The following TRAF3IP3 variants were observed in gnomAD, a reference collection of about 807,000 sequenced individuals.
The protein encoded by TRAF3IP3 is TRAF3 interacting protein 3, also known as TRAF3-interacting JNK-activating modulator.
TRAF3IP3 carries 64 observed loss-of-function variants against 86.5 expected under a neutral mutation model. The ratio of observed to expected loss-of-function variants is 0.74; its 90% CI spans 0.60 to 0.91. The LOEUF (loss-of-function observed/expected upper bound fraction) is 0.91, where lower values mean the gene tolerates loss of function less well. TRAF3IP3 is among the 40% of genes least tolerant of loss of function. TRAF3IP3 has a pLI of 0.00. For missense variants in TRAF3IP3, 579 were observed against 642.9 expected, an observed-to-expected ratio of 0.90 and a Z score of 1.07; for synonymous variants, 220 against 243.9, an observed-to-expected ratio of 0.90 and a Z score of 0.91.
chr1:209,780,211 A>G lies in TRAF3IP3; in HGVS notation c.1313-259A>G, dbSNP rs74500991. 5.8e-3 allele frequency: 1,545 copies of G among 267,414 alleles called. 33 individuals are homozygous for G. Among genetic ancestry groups the G allele is most frequent in the African/African-American group, 0.032 (1,443 of 45,538 alleles). The allele number at this position is 267,414 out of a possible 1,614,324, so 16.6% of individuals were successfully genotyped here. A position where few individuals can be genotyped will look rare whatever the true frequency, so the allele number is the denominator to read the frequency against. ...CAATTAAGAAGTATTCACTAAAACT[A>G]TCTAGCACTAGATAAGACTGGGGAT... On this transcript the variant is annotated intron_variant, in intron 14 of 16. Transcript: ENST00000367025.
chr1:209,772,108 G>A (rs2077556069), intron 8 of TRAF3IP3, among the ~76,000 whole-genome samples: 1 of 151,966 alleles, frequency 6.6e-6, no homozygotes, highest in African/African-American at 2.4e-5. Flanking sequence ...TGTGTGGCAG[G>A]GAGGGGAGTG....
At chr1:209,775,947 G>A in intron 11 of TRAF3IP3, 1 of 485,116 alleles carries the variant, frequency 2.1e-6, no homozygotes, top group Non-Finnish European at 3.6e-6. Context: ...TCATGCAAAT[G>A]AACTAAGCGT....
intron 8 of TRAF3IP3, chr1:209,768,799 G>A (rs1164526556): frequency 1.6e-6 from 1 of 642,424 alleles, no homozygotes; most frequent in East Asian, 1.4e-4. Flanking sequence ...TGTAACACTG[G>A]GCTTCAGTGT....
At chr1:209,778,921 T>A (rs12081405) in intron 13 of TRAF3IP3, 9,483 of 227,208 alleles carry the variant, frequency 0.042, 912 homozygotes, top group East Asian at 0.31. Context: ...GGTTGTTTCC[T>A]TCTGAGGGCG....
Position 209,765,645 on chromosome 1 carries a change from C to T in TRAF3IP3, c.702+2058C>T, listed in dbSNP as rs571878225. 2.0e-3 allele frequency among the ~76,000 whole-genome samples: 301 copies of T among 152,018 alleles called. 1 individual carries two copies. The highest frequency in any genetic ancestry group is 6.9e-3 in the African/African-American group (284 of 41,450). Reference sequence around the variant, plus strand: ...CTGCACCACTGCATTCCAGCCTGGGCGATGGGAGTGAAACTCTGTCTCAAA... The same window carrying T: ...CTGCACCACTGCATTCCAGCCTGGGTGATGGGAGTGAAACTCTGTCTCAAA... On this transcript the variant is annotated intron_variant, in intron 8 of 16. Transcript: ENST00000367025.
At chr1:209,774,397 A>G (rs2077610175) in intron 9 of TRAF3IP3, among the ~76,000 whole-genome samples, 1 of 152,222 alleles carries the variant, frequency 6.6e-6, no homozygotes, top group Admixed American at 6.5e-5. Flanking sequence ...AGAATAATAG[A>G]GGCATGCAGG....
intron 7 of TRAF3IP3, 47 bp from the exon 8 acceptor site, chr1:209,763,444 TC>T (rs1459057433): frequency 6.2e-7 from 1 of 1,613,074 alleles, no homozygotes; most frequent in Non-Finnish European, 8.5e-7. Context: ...TTACCCCCGA[TC>T]CTCCAGGTTA....
rs756392348 is a variant in TRAF3IP3, at chr1:209,775,482, G to C, written c.908G>C (p.Ser303Thr). 6.2e-7 allele frequency: 1 copy of C among 1,614,126 alleles called. No homozygotes were observed. The highest frequency in any genetic ancestry group is 1.3e-5 in the African/African-American group (1 of 74,944). ...ATGAATGCAGAGCAGCAACTACAGAGCACACAGGTATGGGGATGCCACATA... is the reference window on the plus strand; with the variant it reads ...ATGAATGCAGAGCAGCAACTACAGACCACACAGGTATGGGGATGCCACATA... ...EKMNAEQQLQ[S>T]TQRSLALAEQ... The change falls in exon 10 of 17, where the codon AGC (serine) becomes ACC (threonine). Residue 303 changes from serine to threonine, a missense_variant. By Grantham distance (58) the Ser-to-Thr change is moderately conservative. Transcript: ENST00000367025.
chr1:209,771,254 T>G (rs529131606), intron 8 of TRAF3IP3, among the ~76,000 whole-genome samples: 2 of 142,438 alleles, frequency 1.4e-5, no homozygotes, highest in Admixed American at 1.4e-4. Flanking sequence ...CAGGTGGAGG[T>G]GTGTGTCCCT....
chr1:209,761,479 AC>A (rs1393805823), intron 3 of TRAF3IP3, among the ~76,000 whole-genome samples: 1 of 152,152 alleles, frequency 6.6e-6, no homozygotes, highest in Non-Finnish European at 1.5e-5. Flanking sequence ...ATTGTTCCCT[AC>A]CCAGAGTGGG....
chr1:209,770,780 GGTGT>G lies in TRAF3IP3; in HGVS notation c.703-2158_703-2155del, dbSNP rs200090853. ...GTGGAGGTGTGCGTGTGCCTATGGA[GGTGT>G]GTGTGTGTGCATATGGAGGTGTGTG... On this transcript the variant is annotated intron_variant, in intron 8 of 16. Transcript: ENST00000367025. Among the ~76,000 whole-genome samples, 34 of 111,648 alleles carry G rather than the reference GGTGT, an allele frequency of 3.0e-4. 2 individuals carry two copies. The highest frequency in any genetic ancestry group is 9.8e-4 in the South Asian group (3 of 3,068). 73.2% of individuals were successfully genotyped at this position (111,648 alleles called of 152,430 possible). A position where few individuals can be genotyped will look rare whatever the true frequency, so the allele number is the denominator to read the frequency against.
At chr1:209,769,735 A>G (rs961379197) in intron 8 of TRAF3IP3, among the ~76,000 whole-genome samples, 6 of 152,178 alleles carry the variant, frequency 3.9e-5, no homozygotes, top group African/African-American at 1.2e-4. Context: ...CGGAAATGTT[A>G]TAAGAGATGG....
intron 8 of TRAF3IP3, among the ~76,000 whole-genome samples, chr1:209,765,178 G>GGAGAGAGAGAGAGAGAGAGAGAGA: frequency 2.3e-5 from 2 of 87,876 alleles, no homozygotes; most frequent in South Asian, 4.6e-4. Flanking sequence ...CTGAGAGACA[G>GGAGAGAGAGAGAGAGAGAGAGAGA]GAGAGAGAGA....
chr1:209,759,640 A>C (rs1424773645), intron 2 of TRAF3IP3, among the ~76,000 whole-genome samples: 1 of 152,218 alleles, frequency 6.6e-6, no homozygotes, highest in Non-Finnish European at 1.5e-5. Flanking sequence ...AGAGGCTATA[A>C]GCTCATTATG....
intron 13 of TRAF3IP3, chr1:209,778,392 C>T (rs1380043794): frequency 6.3e-6 from 3 of 474,450 alleles, no homozygotes; most frequent in East Asian, 6.8e-5. Flanking sequence ...TCCTTCCATG[C>T]CAATGACACC....
intron 8 of TRAF3IP3, among the ~76,000 whole-genome samples, chr1:209,770,884 G>A (rs2077477780): frequency 7.0e-6 from 1 of 143,442 alleles, no homozygotes; most frequent in Non-Finnish European, 1.5e-5. Context: ...ATGTGGAGGT[G>A]TGCGTGTGCA....
chr1:209,775,511 A>C, intron 10 of TRAF3IP3, 22 bp downstream of exon 10: 1 of 1,614,178 alleles, frequency 6.2e-7, no homozygotes, highest in Non-Finnish European at 8.5e-7. Context: ...CCACATAGAC[A>C]TGGGGCTGGG....
chr1:209,757,223 T>C (rs1248158642), intron 1 of TRAF3IP3, among the ~76,000 whole-genome samples: 1 of 152,214 alleles, frequency 6.6e-6, no homozygotes, highest in East Asian at 1.9e-4. Flanking sequence ...GCTCCATGTC[T>C]GCCCCAAGGA....
Position 209,778,137 on chromosome 1 carries a change from A to AAACTCACC in TRAF3IP3, c.1217_1224dup (p.Leu409AsnfsTer5). ...TCAACTAAAAAGGTCAGAGGCAGAGAAACTCACCCTGGTGACCAGAGTACA... is the reference window on the plus strand; with the variant it reads ...TCAACTAAAAAGGTCAGAGGCAGAGAAACTCACCAACTCACCCTGGTGACCAGAGTACA... On this transcript the variant is annotated frameshift_variant, in exon 13 of 17. Coordinates refer to ENST00000367025, the MANE Select transcript of TRAF3IP3 (RefSeq NM_025228.4). LOFTEE classifies it high-confidence loss of function. 1 of 1,614,152 alleles carries AAACTCACC rather than the reference A, an allele frequency of 6.2e-7. No homozygotes were observed.
Sources: gnomAD v4.1 joint callset for allele counts (sites outside exome capture counted in the v4.1 genomes callset) on GRCh38, gnomAD v4.1.1 for gene constraint, MANE v1.5 for transcripts, NCBI Gene and HGNC (gene_info 2026-07-23, HGNC 2026-07-21) for gene names.